MAGI3: variants seen among roughly 807,000 people sequenced by gnomAD.
The protein encoded by MAGI3 is membrane-associated guanylate kinase, WW and PDZ domain-containing protein 3.
MAGI3 carries 43 observed loss-of-function variants against 121.8 expected under a neutral mutation model. The observed-to-expected ratio is 0.35, with a 90% confidence interval of 0.28 to 0.46. The LOEUF (loss-of-function observed/expected upper bound fraction) is 0.46. Among genes scored for constraint, MAGI3 ranks in the 20% least tolerant of loss-of-function variants. The pLI, the probability that MAGI3 is intolerant of heterozygous loss-of-function variation, is 1.00. For missense variants in MAGI3, 1,547 were observed against 1,797.3 expected (o/e 0.86, Z 2.52); for synonymous variants, 553 against 639.3 (o/e 0.86, Z 2.04).
chr1:113,412,143 A>G (rs1298931963), intron 1 of MAGI3, among the ~76,000 whole-genome samples: 1 of 150,798 alleles, frequency 6.6e-6, no homozygotes, highest in Non-Finnish European at 1.5e-5. Context: ...TGTCCTTGTG[A>G]TAGTTTGCTG....
At position 113,553,785 on chromosome 1, in the gene MAGI3, C is replaced by T. The variant is rs549623274; in HGVS notation, c.433+4154C>T. 3.3e-5 allele frequency among the ~76,000 whole-genome samples: 5 copies of T among 152,122 alleles called. No individual in the cohort carries two copies. The East Asian group carries it at 5.8e-4, about 18-fold the overall frequency. Reference sequence around the variant, plus strand: ...CAGCACTTTGGGAGGCTGAGGCAGGCGGATCATGAGGTTAAGAGATTGAGA... The same window carrying T: ...CAGCACTTTGGGAGGCTGAGGCAGGTGGATCATGAGGTTAAGAGATTGAGA... On this transcript the variant is annotated intron_variant, in intron 2 of 20. Coordinates refer to ENST00000307546, the MANE Select transcript of MAGI3 (RefSeq NM_001142782.2).
Position 113,684,967 on chromosome 1 carries a change from T to G in MAGI3, c.*953T>G, listed in dbSNP as rs1325648574. 6.6e-6 allele frequency: 1 copy of G among 152,338 alleles called. No homozygotes were observed. Among genetic ancestry groups the G allele is most frequent in the Non-Finnish European group, 1.5e-5 (1 of 68,044 alleles). 9.4% of individuals were successfully genotyped at this position (152,338 alleles called of 1,614,324 possible). A position where few individuals can be genotyped will look rare whatever the true frequency, so the allele number is the denominator to read the frequency against. On this transcript the variant is annotated 3_prime_UTR_variant, in exon 21 of 21. Transcript: ENST00000307546. Reference sequence around the variant, plus strand: ...ACATATTTGAAAAGTAAACATATTATATAGATTATGTGAGGGACTTAATCA... The same window carrying G: ...ACATATTTGAAAAGTAAACATATTAGATAGATTATGTGAGGGACTTAATCA...
intron 2 of MAGI3, among the ~76,000 whole-genome samples, chr1:113,559,510 C>G (rs191810648): frequency 7.2e-4 from 109 of 152,196 alleles, no homozygotes; most frequent in African/African-American, 2.4e-3. Context: ...ACAATAAGAG[C>G]CAACTACCCT....
At chr1:113,398,155 T>C (rs1024080605) in intron 1 of MAGI3, among the ~76,000 whole-genome samples, 4 of 152,122 alleles carry the variant, frequency 2.6e-5, no homozygotes, top group African/African-American at 9.7e-5. Context: ...GGAACATAGA[T>C]TACATTTTGA....
chr1:113,426,376 G>T (rs2101402852), intron 1 of MAGI3, among the ~76,000 whole-genome samples: 1 of 152,266 alleles, frequency 6.6e-6, no homozygotes, highest in Admixed American at 6.5e-5. Context: ...TTCTGCTGTT[G>T]TTGGGTGGGG....
rs34091729 is a variant in MAGI3 at position 113,449,587 on chromosome 1, ATT to A, written c.316+58246_316+58247del. The A allele has an allele frequency of 1.3e-5, 8 of 624,030 alleles. No homozygotes were observed. In the East Asian group the frequency reaches 1.4e-4, roughly 11 times the overall value. The allele number at this position is 624,030 out of a possible 1,614,324, so 38.7% of individuals were successfully genotyped here. A position where few individuals can be genotyped will look rare whatever the true frequency, so the allele number is the denominator to read the frequency against. On this transcript the variant is annotated intron_variant, in intron 1 of 20. Coordinates refer to ENST00000307546, the MANE Select transcript of MAGI3 (RefSeq NM_001142782.2). ...TTCTGGATAAATTATCTGCAAGTGC[ATT>A]TTTTTTTCCCAATAGATTGAGTTTA...
intron 16 of MAGI3, among the ~76,000 whole-genome samples, chr1:113,668,923 A>G (rs1485147349): frequency 6.6e-6 from 1 of 152,198 alleles, no homozygotes; most frequent in East Asian, 1.9e-4. Flanking sequence ...TTTGTGGTAC[A>G]TTTTGCCTGG....
At chr1:113,473,415 G>GC (rs1481855038) in intron 1 of MAGI3, among the ~76,000 whole-genome samples, 15 of 50,074 alleles carry the variant, frequency 3.0e-4, no homozygotes, top group African/African-American at 9.0e-4. Context: ...CCCTCCCCCA[G>GC]CCCCCCCACC....
At chr1:113,476,209 G>C (rs2101551569) in intron 1 of MAGI3, among the ~76,000 whole-genome samples, 1 of 152,114 alleles carries the variant, frequency 6.6e-6, no homozygotes, top group Non-Finnish European at 1.5e-5. Flanking sequence ...GGTTTTTTGT[G>C]TCTCCATCTC....
rs779007633 is a variant in MAGI3 at position 113,682,959 on chromosome 1, C to T, written c.3391C>T (p.Pro1131Ser). Residue 1131 changes from proline (P) to serine (S), a missense_variant, in exon 21 of 21, where the codon CCC becomes TCC. Coordinates refer to ENST00000307546, the MANE Select transcript of MAGI3 (RefSeq NM_001142782.2). ...GATTTATGATGAACAGTCACCATTA[C>T]CCCCATCTTCACATTTTGCTTCCAT... ...NVIYDEQSPLPPSSHFASIFE... is the reference protein window; with the variant it reads ...NVIYDEQSPLSPSSHFASIFE... The T allele has an allele frequency of 1.4e-5, 23 of 1,612,790 alleles. No individual in the cohort carries two copies. In the Admixed American group the frequency reaches 2.7e-4, roughly 19 times the overall value.
intron 1 of MAGI3, among the ~76,000 whole-genome samples, chr1:113,437,845 CTTCTTCTTCTTCTTCT>C (rs1653668968): frequency 1.6e-5 from 1 of 60,946 alleles, no homozygotes; most frequent in East Asian, 6.6e-4. Flanking sequence ...TCTTCTTCTT[CTTCTTCTTCTTCTTCT>C]TCCTCTTCTT....
chr1:113,443,097 G>GC (rs1653998900), intron 1 of MAGI3, among the ~76,000 whole-genome samples: 2 of 152,084 alleles, frequency 1.3e-5, no homozygotes, highest in Non-Finnish European at 2.9e-5. Context: ...TAGCAATTCA[G>GC]TATGCCTTGC....
At chr1:113,575,870 C>G (rs1158907327) in intron 2 of MAGI3, among the ~76,000 whole-genome samples, 1 of 152,212 alleles carries the variant, frequency 6.6e-6, no homozygotes, top group African/African-American at 2.4e-5. Flanking sequence ...TGCTGCCTTT[C>G]TTTCAGAGAT....
Position 113,516,919 on chromosome 1 carries a change from A to G in MAGI3, c.317-32596A>G, listed in dbSNP as rs987595762. On this transcript the variant is annotated intron_variant, in intron 1 of 20. Transcript: ENST00000307546. ...ACTCGTCTTCCTCTCAAAAACACAT[A>G]ACCCCAGTCTCATCGTGAGAAAAAC... 2.0e-5 allele frequency among the ~76,000 whole-genome samples: 3 copies of G among 152,042 alleles called. No individual in the cohort carries two copies. In the East Asian group the frequency reaches 5.8e-4, roughly 29 times the overall value.
chr1:113,489,628 AG>A (rs1395045749), intron 1 of MAGI3, among the ~76,000 whole-genome samples: 1 of 152,164 alleles, frequency 6.6e-6, no homozygotes, highest in African/African-American at 2.4e-5. Flanking sequence ...ACCCAATCCA[AG>A]GAAGCTAAAA....
intron 18 of MAGI3, among the ~76,000 whole-genome samples, chr1:113,673,120 G>A (rs1426430496): frequency 6.6e-6 from 1 of 152,142 alleles, no homozygotes; most frequent in East Asian, 1.9e-4. Flanking sequence ...AACTAGAAAA[G>A]ACATGTAACC....
chr1:113,462,267 T>C (rs1441268796), intron 1 of MAGI3, among the ~76,000 whole-genome samples: 1 of 152,184 alleles, frequency 6.6e-6, no homozygotes, highest in Non-Finnish European at 1.5e-5. Flanking sequence ...CATGTGAATG[T>C]TTATTGCAGC....
At chr1:113,406,462 A>C (rs1351698892) in intron 1 of MAGI3, among the ~76,000 whole-genome samples, 1 of 151,826 alleles carries the variant, frequency 6.6e-6, no homozygotes, top group Admixed American at 6.6e-5. Flanking sequence ...AAAAAAAAAA[A>C]AGGAAAAAAA....
chr1:113,452,455 T>TACACACACAC (rs4026203), intron 1 of MAGI3, among the ~76,000 whole-genome samples: 81 of 147,210 alleles, frequency 5.5e-4, no homozygotes, highest in Admixed American at 1.5e-3. Context: ...TGCATAGACA[T>TACACACACAC]ACACACACAC....
Sources: allele counts gnomAD v4.1 joint callset (sites outside exome capture counted in the v4.1 genomes callset), GRCh38; gene constraint gnomAD v4.1.1; transcripts MANE v1.5; gene names NCBI Gene and HGNC (gene_info 2026-07-23, HGNC 2026-07-21).